PLCL1: variants seen among roughly 807,000 people sequenced by gnomAD.
The protein encoded by PLCL1 is phospholipase C like 1 (inactive).
In PLCL1, 41 loss-of-function variants were observed where a neutral mutation model predicts 84.4. The observed-to-expected ratio is 0.49, with a 90% CI of 0.38 to 0.63. The LOEUF is 0.63. Ranked by LOEUF, PLCL1 falls within the 30% of genes least tolerant of loss-of-function variation. The pLI is 0.00. For synonymous variants in PLCL1, 490 were observed against 488.3 expected, an observed-to-expected ratio of 1.00 and a Z score of -0.05; for missense variants, 1,206 against 1,367.8, an observed-to-expected ratio of 0.88 and a Z score of 1.87.
intron 1 of PLCL1, among the ~76,000 whole-genome samples, chr2:197,917,708 G>T (rs973736274): frequency 6.6e-6 from 1 of 152,124 alleles, no homozygotes. Flanking sequence ...AGGAACCAAG[G>T]CTCCTTATGT....
chr2:197,947,455 C>T (rs1451654488), intron 1 of PLCL1, among the ~76,000 whole-genome samples: 2 of 151,882 alleles, frequency 1.3e-5, no homozygotes, highest in African/African-American at 4.8e-5. Context: ...CTTTGAGAAC[C>T]ACTGGAGCTG....
intron 1 of PLCL1, among the ~76,000 whole-genome samples, chr2:197,948,291 G>A (rs1689321793): frequency 6.6e-6 from 1 of 152,130 alleles, no homozygotes; most frequent in African/African-American, 2.4e-5. Flanking sequence ...GGTTTATGGA[G>A]AAATGACAAA....
chr2:197,966,404 T>A (rs1272515252), intron 1 of PLCL1, among the ~76,000 whole-genome samples: 1 of 152,178 alleles, frequency 6.6e-6, no homozygotes, highest in African/African-American at 2.4e-5. Flanking sequence ...GCCAGGGTGA[T>A]AAGCCTTGCC....
At chr2:197,864,416 T>G (rs1687490955) in intron 1 of PLCL1, among the ~76,000 whole-genome samples, 1 of 151,876 alleles carries the variant, frequency 6.6e-6, no homozygotes, top group Non-Finnish European at 1.5e-5. Context: ...TTGTTAAGTA[T>G]AATTTCTATT....
intron 1 of PLCL1, among the ~76,000 whole-genome samples, chr2:197,925,790 C>T (rs180874384): frequency 6.4e-4 from 96 of 150,746 alleles, no homozygotes; most frequent in African/African-American, 2.2e-3. Context: ...CCTGCCAAAC[C>T]TTCCCACACC....
intron 3 of PLCL1, among the ~76,000 whole-genome samples, chr2:198,092,794 C>T (rs1440265472): frequency 2.0e-5 from 3 of 152,138 alleles, no homozygotes; most frequent in African/African-American, 7.2e-5. Context: ...TCCTCTTTTA[C>T]TCCTCAATTT....
intron 1 of PLCL1, among the ~76,000 whole-genome samples, chr2:197,936,593 GTTAT>G (rs1024349845): frequency 4.6e-5 from 7 of 152,110 alleles, no homozygotes; most frequent in Admixed American, 2.0e-4. Context: ...TTAAAATTGA[GTTAT>G]TTGTTTTCTT....
At chr2:197,909,081 T>A (rs1368945920) in intron 1 of PLCL1, among the ~76,000 whole-genome samples, 4 of 152,218 alleles carry the variant, frequency 2.6e-5, no homozygotes, top group African/African-American at 4.8e-5. Flanking sequence ...AGTTTCCCAC[T>A]GCTGCTAGTC....
chr2:197,978,457 G>A (rs1167688877), intron 1 of PLCL1, among the ~76,000 whole-genome samples: 3 of 152,280 alleles, frequency 2.0e-5, no homozygotes, highest in South Asian at 2.1e-4. Context: ...CAGCCTGGTC[G>A]ACAGAGGGAG....
chr2:197,943,771 T>A (rs1260024952), intron 1 of PLCL1, among the ~76,000 whole-genome samples: 1 of 152,188 alleles, frequency 6.6e-6, no homozygotes, highest in Non-Finnish European at 1.5e-5. Flanking sequence ...CCTCATTTTT[T>A]CCTTTGTTTA....
intron 1 of PLCL1, among the ~76,000 whole-genome samples, chr2:198,083,451 CG>C (rs1348829564): frequency 6.6e-6 from 1 of 152,120 alleles, no homozygotes. Context: ...GCTAGGTAGT[CG>C]AGGCACCAGC....
At position 198,086,234 on chromosome 2, in the gene PLCL1, T is replaced by C. The variant is rs1173664158; in HGVS notation, c.2715+2T>C. ...ATAGATATGAGAGAAAATATGCAGGTAGGAGAAACACTCACACTCTCCTTC... is the reference window on the plus strand; with the variant it reads ...ATAGATATGAGAGAAAATATGCAGGCAGGAGAAACACTCACACTCTCCTTC... On this transcript the variant is annotated splice_donor_variant, in intron 2 of 5. Transcript: ENST00000428675. LOFTEE classifies it high-confidence loss of function. The C allele has an allele frequency of 1.3e-6, 2 of 1,568,172 alleles. No homozygotes were observed. Among genetic ancestry groups the C allele is most frequent in the Non-Finnish European group, 1.7e-6 (2 of 1,146,462 alleles).
chr2:198,070,693 A>C (rs1015090289), intron 1 of PLCL1, among the ~76,000 whole-genome samples: 1 of 151,956 alleles, frequency 6.6e-6, no homozygotes, highest in Non-Finnish European at 1.5e-5. Flanking sequence ...TATTTTAATA[A>C]AAATAATTTC....
intron 1 of PLCL1, among the ~76,000 whole-genome samples, chr2:198,043,214 A>T (rs1369749986): frequency 1.3e-5 from 2 of 152,214 alleles, no homozygotes; most frequent in Non-Finnish European, 2.9e-5. Context: ...AATTTCATGG[A>T]AAGGCCCAAC....
chr2:197,840,587 A>T (rs1317633163), intron 1 of PLCL1, among the ~76,000 whole-genome samples: 1 of 152,090 alleles, frequency 6.6e-6, no homozygotes, highest in Non-Finnish European at 1.5e-5. Flanking sequence ...GGTCCATTTT[A>T]TTTCAAATAA....
chr2:197,897,700 G>A (rs1688182122), intron 1 of PLCL1, among the ~76,000 whole-genome samples: 1 of 152,156 alleles, frequency 6.6e-6, no homozygotes, highest in African/African-American at 2.4e-5. Context: ...TGGATGTCAG[G>A]TGAATATGCA....
At position 197,989,702 on chromosome 2, in the gene PLCL1, TCAAAACAAAA is replaced by T. The variant is rs534529522; in HGVS notation, c.241-94040_241-94031del. Among the ~76,000 whole-genome samples the T allele has an allele frequency of 1.1e-4, 16 of 151,720 alleles. 1 individual carries two copies. The South Asian group carries it at 3.1e-3, about 30-fold the overall frequency. On this transcript the variant is annotated intron_variant, in intron 1 of 5. Transcript: ENST00000428675. ...CTGGGCAACAGAGTGAGACTCTGTC[TCAAAACAAAA>T]CAAAACAAAACAAAAAACAAAAAAA...
At chr2:197,994,809 G>T (rs1690424814) in intron 1 of PLCL1, among the ~76,000 whole-genome samples, 1 of 152,140 alleles carries the variant, frequency 6.6e-6, no homozygotes, top group Non-Finnish European at 1.5e-5. Context: ...CCTAATTTCT[G>T]AATTTAGTTT....
At chr2:197,910,719 T>C (rs1688470876) in intron 1 of PLCL1, among the ~76,000 whole-genome samples, 1 of 152,208 alleles carries the variant, frequency 6.6e-6, no homozygotes, top group South Asian at 2.1e-4. Flanking sequence ...AAACTTGAAT[T>C]CCAGGTTAAT....
Sources: allele counts gnomAD v4.1 joint callset (sites outside exome capture counted in the v4.1 genomes callset), GRCh38; gene constraint gnomAD v4.1.1; transcripts MANE v1.5; gene names NCBI Gene and HGNC (gene_info 2026-07-23, HGNC 2026-07-21).